SLFN5: variants seen among roughly 807,000 people sequenced by gnomAD.
The protein encoded by SLFN5 is schlafen family member 5.
SLFN5 carries 34 observed loss-of-function variants against 48.5 expected under a neutral mutation model. That is an observed-to-expected ratio of 0.70 (90% confidence interval 0.53 to 0.93). SLFN5 has a LOEUF of 0.93. Among genes scored for constraint, SLFN5 ranks in the 40% least tolerant of loss-of-function variants. The pLI, the probability that SLFN5 is intolerant of heterozygous loss-of-function variation, is 0.00. For synonymous variants in SLFN5, 387 were observed against 396.2 expected (o/e 0.98, Z 0.28); for missense variants, 1,006 against 1,071.3 (o/e 0.94, Z 0.85).
chr17:35,259,703 G>A lies in SLFN5; in HGVS notation c.1012+1G>A, dbSNP rs757914122. The A allele has an allele frequency of 3.1e-6, 5 of 1,599,014 alleles. No homozygotes were observed. The highest frequency in any genetic ancestry group is 4.2e-6 in the Non-Finnish European group (5 of 1,179,302). On this transcript the variant is annotated splice_donor_variant, in intron 2 of 4. Transcript: ENST00000299977. LOFTEE classifies it high-confidence loss of function. ...GCTTGGATGATGGAAGCTGACCCAGGTTAGGGAGCAATATCCACAATGGTT... is the reference window on the plus strand; with the variant it reads ...GCTTGGATGATGGAAGCTGACCCAGATTAGGGAGCAATATCCACAATGGTT...
At chr17:35,257,795 A>G (rs994855656) in intron 1 of SLFN5, among the ~76,000 whole-genome samples, 1 of 152,176 alleles carries the variant, frequency 6.6e-6, no homozygotes, top group African/African-American at 2.4e-5. Flanking sequence ...CAACAATGAC[A>G]GGTTGCCAAC....
chr17:35,257,343 C>G (rs988294084), intron 1 of SLFN5, among the ~76,000 whole-genome samples: 8 of 152,170 alleles, frequency 5.3e-5, no homozygotes, highest in Non-Finnish European at 1.0e-4. Flanking sequence ...ATTTTATGGT[C>G]CTGACATGTC....
rs765269767 is a variant in SLFN5, at chr17:35,265,148, A to G, written c.1936A>G (p.Ile646Val). ...MKNNFEHIQH[I>V]IIDDAQNFRT... ...AAACAACTTTGAACACATCCAGCAC[A>G]TTATCATTGATGACGCTCAGAATTT... Residue 646 changes from isoleucine (I) to valine (V), a missense_variant, in exon 5 of 5, where the codon ATT (isoleucine) becomes GTT (valine). Transcript: ENST00000299977. The G allele has an allele frequency of 6.2e-7, 1 of 1,614,210 alleles. No individual in the cohort carries two copies. Among genetic ancestry groups the G allele is most frequent in the Non-Finnish European group, 8.5e-7 (1 of 1,180,032 alleles).
rs1904884198 is a variant in SLFN5, at chr17:35,273,446, T to A, written c.*7558T>A. ...TTGTTCATGTAGTGATTTTATAAAT[T>A]ACTCTTTTAATTTTCTATCAATGAA... On this transcript the variant is annotated 3_prime_UTR_variant, in exon 5 of 5. Transcript: ENST00000299977. 6.6e-6 allele frequency: 1 copy of A among 152,240 alleles called. No homozygotes were observed. The highest frequency in any genetic ancestry group is 2.4e-5 in the African/African-American group (1 of 41,458). 9.4% of individuals were successfully genotyped at this position (152,240 alleles called of 1,614,324 possible).
chr17:35,251,113 A>G (rs1056463455), intron 1 of SLFN5, among the ~76,000 whole-genome samples: 1 of 152,188 alleles, frequency 6.6e-6, no homozygotes, highest in African/African-American at 2.4e-5. Context: ...TCAGTTCTTC[A>G]ACAGCCTCCT....
Position 35,259,228 on chromosome 17 carries a change from C to T in SLFN5, c.538C>T (p.Arg180Trp), listed in dbSNP as rs139273106. Reference sequence around the variant, plus strand: ...AGCTGCTGCTTTATTTGATAGAAAGCGGCTTCAGTATCTGGAAAAACTCAA... The same window carrying T: ...AGCTGCTGCTTTATTTGATAGAAAGTGGCTTCAGTATCTGGAAAAACTCAA... The part of the protein sequence containing the change: ...VSAAALFDRK[R>W]LQYLEKLNLP... The change falls in exon 2 of 5, where the codon CGG becomes TGG. Residue 180 changes from arginine (R) to tryptophan (W), a missense_variant. By Grantham distance (101) the Arg-to-Trp change is moderately radical. Transcript: ENST00000299977. 113 of 1,613,972 alleles carry T rather than the reference C, an allele frequency of 7.0e-5. No individual in the cohort carries two copies. The highest frequency in any genetic ancestry group is 8.0e-5 in the African/African-American group (6 of 74,928).
chr17:35,252,602 A>G (rs967505437), intron 1 of SLFN5, among the ~76,000 whole-genome samples: 1 of 148,854 alleles, frequency 6.7e-6, no homozygotes, highest in Non-Finnish European at 1.5e-5. Context: ...GAACAATTTA[A>G]TTATGATGTT....
rs1904676017 is a variant in SLFN5, at chr17:35,266,051, A to G, written c.*163A>G. ...CGATGTAAGATTCCTCCTTTAGGGC[A>G]GAGACAGACCACTGACAAATACACA... On this transcript the variant is annotated 3_prime_UTR_variant, in exon 5 of 5. Coordinates refer to ENST00000299977, the MANE Select transcript of SLFN5 (RefSeq NM_144975.4). The G allele has an allele frequency of 1.4e-6, 1 of 713,822 alleles. No homozygotes were observed. Among genetic ancestry groups the G allele is most frequent in the South Asian group, 2.1e-5 (1 of 48,216 alleles). 44.2% of individuals were successfully genotyped at this position (713,822 alleles called of 1,614,324 possible). A position where few individuals can be genotyped will look rare whatever the true frequency, so the allele number is the denominator to read the frequency against.
intron 1 of SLFN5, among the ~76,000 whole-genome samples, chr17:35,243,438 AC>A (rs2092423609): frequency 6.6e-6 from 1 of 152,164 alleles, no homozygotes; most frequent in Admixed American, 6.5e-5. Context: ...AGCAAACCAA[AC>A]CTGGCAACAT....
chr17:35,260,822 C>G (rs750194035), intron 2 of SLFN5, 149 bp from the exon 3 acceptor site: 33 of 901,804 alleles, frequency 3.7e-5, no homozygotes, highest in Non-Finnish European at 5.0e-5. Context: ...CCTCAGTAGG[C>G]TTTCCTGAGC....
Position 35,264,809 on chromosome 17 carries a change from C to G in SLFN5, c.1765C>G (p.Leu589Val). The change falls in exon 4 of 5, where the codon CTT becomes GTT. Residue 589 changes from leucine (L) to valine (V), a missense_variant. Transcript: ENST00000299977. Reference protein sequence around the residue: ...LPGSGKTILALRIMEKIRNVF... With the variant: ...LPGSGKTILAVRIMEKIRNVF... ...TGGATCAGGGAAGACTATCTTGGCT[C>G]TTAGGATCATGGAGAAGATCAGGAA... The G allele has an allele frequency of 6.3e-7, 1 of 1,597,996 alleles. No homozygotes were observed. Among genetic ancestry groups the G allele is most frequent in the Non-Finnish European group, 8.5e-7 (1 of 1,174,224 alleles).
Position 35,260,979 on chromosome 17 carries a change from A to G in SLFN5, c.1021A>G (p.Arg341Gly), listed in dbSNP as rs750066348. ...WMMEADPDLS[R>G]CPEMVLQLSL... The stretch of plus-strand genomic sequence containing the variant: ...GGTTCTTGTTTCCTAAGACCTTTCC[A>G]GGTGTCCTGAGATGGTTCTCCAGTT... The change falls in exon 3 of 5, where the codon AGG (arginine) becomes GGG (glycine). Residue 341 changes from arginine (R) to glycine (G), a missense_variant. Coordinates refer to ENST00000299977, the MANE Select transcript of SLFN5 (RefSeq NM_144975.4). 1.2e-6 allele frequency: 2 copies of G among 1,613,604 alleles called. No homozygotes were observed. Among genetic ancestry groups the G allele is most frequent in the Admixed American group, 1.7e-5 (1 of 59,994 alleles).
rs138931956 is a variant in SLFN5 at position 35,258,797 on chromosome 17, G to C, written c.107G>C (p.Arg36Pro). Reference protein sequence around the residue: ...QQRQEMDPRLREKQNEIILRA... With the variant: ...QQRQEMDPRLPEKQNEIILRA... The stretch of plus-strand genomic sequence containing the variant: ...AGGCAGGAGATGGACCCTCGCCTGC[G>C]GGAGAAACAGAATGAAATCATCCTG... The change falls in exon 2 of 5, where the codon CGG becomes CCG. Residue 36 changes from arginine (R) to proline (P), a missense_variant. Physicochemically the swap from Arg to Pro is moderately radical, Grantham distance 103. Transcript: ENST00000299977. The C allele has an allele frequency of 5.0e-6, 8 of 1,613,964 alleles. No homozygotes were observed. The highest frequency in any genetic ancestry group is 1.3e-5 in the African/African-American group (1 of 74,886).
intron 4 of SLFN5, 41 bp from the exon 5 acceptor site, chr17:35,265,031 C>G: frequency 6.4e-7 from 1 of 1,570,866 alleles, no homozygotes; most frequent in Non-Finnish European, 8.6e-7. Flanking sequence ...AATCTGCTTT[C>G]TTTGTTTCAT....
rs1433641854 is a variant in SLFN5 at position 35,272,032 on chromosome 17, C to G, written c.*6144C>G. ...GGGCAGCCAGAGTGAGACCCTGTCT[C>G]AAAAAAAAAAAAATTATTGGAAACT... On this transcript the variant is annotated 3_prime_UTR_variant, in exon 5 of 5. Coordinates refer to ENST00000299977, the MANE Select transcript of SLFN5 (RefSeq NM_144975.4). 1 of 141,452 alleles carries G rather than the reference C, an allele frequency of 7.1e-6. No individual in the cohort carries two copies. Among genetic ancestry groups the G allele is most frequent in the Non-Finnish European group, 1.6e-5 (1 of 63,814 alleles). The allele number at this position is 141,452 out of a possible 1,614,324, so 8.8% of individuals were successfully genotyped here.
rs1460656112 is a variant in SLFN5 at position 35,266,774 on chromosome 17, G to A, written c.*886G>A. On this transcript the variant is annotated 3_prime_UTR_variant, in exon 5 of 5. Transcript: ENST00000299977. Reference sequence around the variant, plus strand: ...ATTTAATAATCAACAAAACGACAAAGTCAGTTTAATATCTTTCTTCTGCTG... The same window carrying A: ...ATTTAATAATCAACAAAACGACAAAATCAGTTTAATATCTTTCTTCTGCTG... The A allele has an allele frequency of 2.6e-5, 4 of 152,224 alleles. No homozygotes were observed. The highest frequency in any genetic ancestry group is 2.1e-4 in the South Asian group (1 of 4,824). 9.4% of individuals were successfully genotyped at this position (152,224 alleles called of 1,614,324 possible).
rs1020978430 is a variant in SLFN5 at position 35,269,627 on chromosome 17, C to A, written c.*3739C>A. 6.6e-6 allele frequency: 1 copy of A among 152,150 alleles called. No homozygotes were observed. The highest frequency in any genetic ancestry group is 1.5e-5 in the Non-Finnish European group (1 of 68,034). The allele number at this position is 152,150 out of a possible 1,614,324, so 9.4% of individuals were successfully genotyped here. On this transcript the variant is annotated 3_prime_UTR_variant, in exon 5 of 5. Coordinates refer to ENST00000299977, the MANE Select transcript of SLFN5 (RefSeq NM_144975.4). ...CTAGGTAGCAGGGGTGACTTGGCCA[C>A]AGTCATTTTCTTTACTTGATTTAAG...
chr17:35,244,465 G>T (rs898525982), intron 1 of SLFN5, among the ~76,000 whole-genome samples: 2 of 152,130 alleles, frequency 1.3e-5, no homozygotes, highest in African/African-American at 4.8e-5. Context: ...GCTAAAGTTT[G>T]TCTGGCCTCG....
intron 1 of SLFN5, among the ~76,000 whole-genome samples, chr17:35,250,274 T>G (rs1487836489): frequency 6.6e-6 from 1 of 152,206 alleles, no homozygotes; most frequent in Non-Finnish European, 1.5e-5. Context: ...AATACTTTTC[T>G]GCCTTTGCCT....
Sources: allele counts gnomAD v4.1 joint callset (sites outside exome capture counted in the v4.1 genomes callset), GRCh38; gene constraint gnomAD v4.1.1; transcripts MANE v1.5; gene names NCBI Gene and HGNC (gene_info 2026-07-23, HGNC 2026-07-21).